The following KLF12 variants were observed in gnomAD, a reference collection of about 807,000 sequenced individuals.
KLF12 encodes the protein Krueppel-like factor 12.
Under a neutral mutation model 37.8 loss-of-function variants are expected in KLF12, and 9 were observed. The observed-to-expected ratio is 0.24, with a 90% confidence interval of 0.14 to 0.42. KLF12 has a LOEUF of 0.42. Ranked by LOEUF, KLF12 falls within the 10% of genes least tolerant of loss-of-function variation. The pLI, the probability that KLF12 is intolerant of heterozygous loss-of-function variation, is 1.00. For missense variants in KLF12, 411 were observed against 516.0 expected (o/e 0.80, Z 1.97); for synonymous variants, 208 against 202.1 (o/e 1.03, Z -0.25).
intron 7 of KLF12, among the ~76,000 whole-genome samples, chr13:73,702,456 A>G (rs1874628679): frequency 6.6e-6 from 1 of 152,190 alleles, no homozygotes; most frequent in Non-Finnish European, 1.5e-5. Context: ...GAGACAAAAG[A>G]CAGGTGCCCT....
chr13:74,162,108 T>C, the KLF12 span, among the ~76,000 whole-genome samples: 2 of 152,242 alleles, frequency 1.3e-5, no homozygotes, highest in African/African-American at 4.8e-5. Flanking sequence ...TACTTTTATT[T>C]CCAAAAGAGA....
intron 3 of KLF12, among the ~76,000 whole-genome samples, chr13:73,894,582 A>T (rs1423003807): frequency 6.6e-6 from 1 of 152,178 alleles, no homozygotes; most frequent in East Asian, 1.9e-4. Flanking sequence ...CATTTAACTT[A>T]ATCACTTTTT....
intron 1 of KLF12, among the ~76,000 whole-genome samples, chr13:74,063,401 C>T (rs1355667413): frequency 6.6e-6 from 1 of 150,406 alleles, no homozygotes; most frequent in African/African-American, 2.4e-5. Context: ...ATTTCCTATG[C>T]TAACCTTCAA....
intron 2 of KLF12, among the ~76,000 whole-genome samples, chr13:73,977,530 T>A (rs1037488269): frequency 1.3e-5 from 2 of 152,204 alleles, no homozygotes; most frequent in African/African-American, 4.8e-5. Context: ...AAAGTTATAA[T>A]GAAATATATA....
intron 3 of KLF12, among the ~76,000 whole-genome samples, chr13:73,913,731 T>C (rs1039326920): frequency 3.3e-5 from 5 of 152,336 alleles, no homozygotes; most frequent in Non-Finnish European, 7.3e-5. Flanking sequence ...TAAAAAGATT[T>C]TTATTTTTAG....
chr13:74,141,014 G>A, the KLF12 span, among the ~76,000 whole-genome samples: 5 of 152,148 alleles, frequency 3.3e-5, no homozygotes, highest in East Asian at 3.9e-4. Context: ...GCAGTGAGCC[G>A]AGATGGTGCC....
the KLF12 span, among the ~76,000 whole-genome samples, chr13:74,166,705 T>C: frequency 3.0e-4 from 46 of 152,318 alleles, no homozygotes; most frequent in East Asian, 8.7e-3. Context: ...TTTCTTTGTC[T>C]ACTAGACTAT....
At chr13:74,221,207 T>C in the KLF12 span, among the ~76,000 whole-genome samples, 32 of 152,200 alleles carry the variant, frequency 2.1e-4, no homozygotes, top group South Asian at 4.1e-4. Context: ...GGGGTTTCAC[T>C]GTGTTAGCCA....
intron 1 of KLF12, among the ~76,000 whole-genome samples, chr13:74,058,164 G>A (rs1873357353): frequency 6.6e-6 from 1 of 150,752 alleles, no homozygotes; most frequent in South Asian, 2.1e-4. Context: ...ATGGGTTTTT[G>A]CCATGTTGGC....
chr13:73,972,404 T>C (rs1423060521), intron 2 of KLF12, among the ~76,000 whole-genome samples: 1 of 152,004 alleles, frequency 6.6e-6, no homozygotes, highest in East Asian at 1.9e-4. Flanking sequence ...AATTGAATAA[T>C]AGTTTATAAC....
intron 1 of KLF12, among the ~76,000 whole-genome samples, chr13:74,065,944 G>T (rs1593870715): frequency 6.6e-6 from 1 of 152,044 alleles, no homozygotes; most frequent in Admixed American, 6.6e-5. Flanking sequence ...ACTCTTCAGG[G>T]TAACTAGCTG....
the KLF12 span, among the ~76,000 whole-genome samples, chr13:74,181,010 G>T: frequency 1.5e-4 from 23 of 151,526 alleles, no homozygotes; most frequent in Non-Finnish European, 3.2e-4. Flanking sequence ...TTTTTCTTTT[G>T]TTTTTTTTGA....
chr13:73,800,424 G>A (rs1882224122), intron 5 of KLF12: 1 of 152,038 alleles, frequency 6.6e-6, no homozygotes, highest in South Asian at 2.1e-4. Flanking sequence ...TTACGAATTA[G>A]ATTAGAAAAA....
chr13:73,919,809 AG>A (rs1365150095), intron 3 of KLF12, among the ~76,000 whole-genome samples: 38 of 152,320 alleles, frequency 2.5e-4, no homozygotes, highest in African/African-American at 8.7e-4. Flanking sequence ...GAGGTGTTCT[AG>A]TACATCAGGG....
intron 3 of KLF12, among the ~76,000 whole-genome samples, chr13:73,864,019 A>C (rs192916652): frequency 1.3e-5 from 2 of 152,322 alleles, no homozygotes; most frequent in Non-Finnish European, 2.9e-5. Context: ...AATGGATTAA[A>C]TAGAATGATA....
chr13:74,011,895 T>C (rs1264180608), intron 1 of KLF12, among the ~76,000 whole-genome samples: 3 of 152,210 alleles, frequency 2.0e-5, no homozygotes, highest in South Asian at 2.1e-4. Context: ...CTTTTCACTA[T>C]GGTGATTAGG....
the KLF12 span, among the ~76,000 whole-genome samples, chr13:74,183,271 C>A: frequency 2.0e-4 from 31 of 152,190 alleles, 1 homozygote; most frequent in South Asian, 3.9e-3. Context: ...TGCAAATGAC[C>A]AGGTCAAGTG....
the KLF12 span, among the ~76,000 whole-genome samples, chr13:74,279,703 C>T: frequency 1.3e-5 from 2 of 152,076 alleles, no homozygotes; most frequent in Non-Finnish European, 1.5e-5. Flanking sequence ...GAACAAAAAA[C>T]ATGTGGTACA....
At chr13:73,992,099 T>C (rs1314818339) in intron 2 of KLF12, among the ~76,000 whole-genome samples, 1 of 152,358 alleles carries the variant, frequency 6.6e-6, no homozygotes, top group African/African-American at 2.4e-5. Context: ...GCTGGACTAA[T>C]GTATATGTGG....
Sources: allele counts gnomAD v4.1 joint callset (sites outside exome capture counted in the v4.1 genomes callset), GRCh38; gene constraint gnomAD v4.1.1; transcripts MANE v1.5; gene names NCBI Gene and HGNC (gene_info 2026-07-23, HGNC 2026-07-21).